Variants in WDPCP observed in about 807,000 individuals in gnomAD.
The protein encoded by WDPCP is WD repeat-containing and planar cell polarity effector protein fritz homolog.
WDPCP carries 71 observed loss-of-function variants against 93.1 expected under a neutral mutation model. The observed-to-expected ratio is 0.76, with a 90% CI of 0.63 to 0.93. WDPCP has a LOEUF of 0.93. Among genes scored for constraint, WDPCP ranks in the 40% least tolerant of loss-of-function variants. The probability of loss-of-function intolerance (pLI) is 0.00; values close to 1 mark genes in which losing one functional copy is unlikely to be tolerated. For missense variants in WDPCP, 844 were observed against 887.4 expected (o/e 0.95, Z 0.62); for synonymous variants, 315 against 315.0 (o/e 1.00, Z 0.00).
chr2:63,234,570 C>T (rs2421866), intron 14 of WDPCP, among the ~76,000 whole-genome samples: 150,953 of 152,350 alleles, frequency 0.99, 74,784 homozygotes, highest in Middle Eastern at 1. Context: ...TTTTAAAGTA[C>T]ATATAATCAA....
chr2:63,752,593 C>G (rs1234907889), intron 2 of WDPCP: 5 of 589,056 alleles, frequency 8.5e-6, no homozygotes, highest in Non-Finnish European at 1.5e-5. Context: ...CAGTGAAGAG[C>G]TGCTCAGGCT....
At chr2:63,400,042 C>G (rs921833388) in intron 10 of WDPCP, among the ~76,000 whole-genome samples, 2 of 151,490 alleles carry the variant, frequency 1.3e-5, no homozygotes, top group Non-Finnish European at 2.9e-5. Flanking sequence ...TACCATAGAG[C>G]CAAATTCCAT....
At position 63,494,264 on chromosome 2, in the gene WDPCP, C is replaced by G. The variant is rs188593336; in HGVS notation, c.76-1324G>C. ...GTCCTCAAAGAAGGATAAGATTTCA[C>G]CAGATGATGATGATGATGATGATGA... On this transcript the variant is annotated intron_variant, in intron 1 of 17. Coordinates refer to ENST00000272321, the MANE Select transcript of WDPCP (RefSeq NM_015910.7). Among the ~76,000 whole-genome samples, 87 of 134,762 alleles carry G rather than the reference C, an allele frequency of 6.5e-4. 1 individual carries two copies. The highest frequency in any genetic ancestry group is 3.1e-3 in the Admixed American group (40 of 12,724). The allele number at this position is 134,762 out of a possible 152,430, so 88.4% of individuals were successfully genotyped here. A position where few individuals can be genotyped will look rare whatever the true frequency, so the allele number is the denominator to read the frequency against.
At chr2:63,285,707 A>T (rs1289530415) in intron 13 of WDPCP, among the ~76,000 whole-genome samples, 2 of 152,192 alleles carry the variant, frequency 1.3e-5, no homozygotes, top group Non-Finnish European at 2.9e-5. Context: ...AAAATAGTTG[A>T]TGCAAACTCT....
intron 13 of WDPCP, among the ~76,000 whole-genome samples, chr2:63,304,582 T>A (rs1228506918): frequency 1.3e-5 from 2 of 152,184 alleles, no homozygotes; most frequent in Non-Finnish European, 2.9e-5. Flanking sequence ...ACTACACTTT[T>A]CCCATGGTTT....
At position 63,694,179 on chromosome 2, in the gene WDPCP, G is replaced by T. The variant is rs573911970; in HGVS notation, n.309-43341C>A. Among the ~76,000 whole-genome samples the T allele has an allele frequency of 5.3e-5, 8 of 152,270 alleles. No individual in the cohort carries two copies. The South Asian group carries it at 8.3e-4, about 16-fold the overall frequency. ...AAAAGAGTTAATCAGTTGTGTCTAA[G>T]ATAATAAAGGAAAACTATTGTCTGA... On this transcript the variant is annotated intron_variant and non_coding_transcript_variant, in intron 2 of 4. Coordinates refer to the WDPCP transcript ENST00000467687.
intron 9 of WDPCP, among the ~76,000 whole-genome samples, chr2:63,410,371 C>T (rs762000149): frequency 6.6e-6 from 1 of 152,140 alleles, no homozygotes; most frequent in Non-Finnish European, 1.5e-5. Flanking sequence ...AAAAGGAGCT[C>T]TAAATCTTGA....
At chr2:63,173,326 T>A (rs1673549209) in intron 15 of WDPCP, among the ~76,000 whole-genome samples, 1 of 152,102 alleles carries the variant, frequency 6.6e-6, no homozygotes, top group Non-Finnish European at 1.5e-5. Flanking sequence ...TCTTTGTTTT[T>A]CTCATTTCCA....
intron 1 of WDPCP, among the ~76,000 whole-genome samples, chr2:63,494,266 AGAT>A (rs754084408): frequency 2.5e-5 from 3 of 119,872 alleles, no homozygotes; most frequent in African/African-American, 3.5e-5. Context: ...AGATTTCACC[AGAT>A]GATGATGATG....
At chr2:63,327,089 G>T (rs1687614186) in intron 12 of WDPCP, among the ~76,000 whole-genome samples, 1 of 151,832 alleles carries the variant, frequency 6.6e-6, no homozygotes. Context: ...ACCAAATCTG[G>T]GCAGAACTCC....
chr2:63,770,432 A>G (rs184038864), intron 2 of WDPCP, among the ~76,000 whole-genome samples: 96 of 152,110 alleles, frequency 6.3e-4, no homozygotes, highest in Middle Eastern at 3.4e-3. Context: ...AAAGTGAAGC[A>G]TATTAAATTA....
At chr2:63,722,141 C>G (rs1442014382) in intron 2 of WDPCP, among the ~76,000 whole-genome samples, 2 of 152,058 alleles carry the variant, frequency 1.3e-5, no homozygotes, top group Non-Finnish European at 2.9e-5. Flanking sequence ...AGCCTCTGCC[C>G]GGCCGCCACC....
intron 1 of WDPCP, among the ~76,000 whole-genome samples, chr2:63,575,439 GTGTATACAC>G (rs1558832493): frequency 2.2e-5 from 2 of 91,994 alleles, no homozygotes; most frequent in Non-Finnish European, 4.1e-5. Flanking sequence ...TGTATATACA[GTGTATACAC>G]TGTATATACA....
chr2:63,149,894 A>G (rs1318010632), intron 17 of WDPCP, among the ~76,000 whole-genome samples: 1 of 152,186 alleles, frequency 6.6e-6, no homozygotes, highest in Non-Finnish European at 1.5e-5. Context: ...CTAGCTACTC[A>G]GAGGGCTGAG....
intron 2 of WDPCP, among the ~76,000 whole-genome samples, chr2:63,800,649 A>G (rs182484661): frequency 3.5e-4 from 54 of 152,350 alleles, no homozygotes; most frequent in Admixed American, 2.3e-3. Flanking sequence ...TTTTAAAGCG[A>G]TATCTAAAAA....
At chr2:63,786,703 A>G (rs1304499113) in intron 2 of WDPCP, among the ~76,000 whole-genome samples, 2 of 152,210 alleles carry the variant, frequency 1.3e-5, no homozygotes, top group Non-Finnish European at 2.9e-5. Flanking sequence ...ATACAGACAT[A>G]CGTAAAGCAT....
intron 1 of WDPCP, among the ~76,000 whole-genome samples, chr2:63,530,524 T>C (rs755142128): frequency 5.9e-5 from 9 of 152,196 alleles, no homozygotes; most frequent in Non-Finnish European, 1.0e-4. Context: ...CCACTGTATG[T>C]ACATGTGTTA....
chr2:63,562,687 G>T (rs1019730717), intron 1 of WDPCP, among the ~76,000 whole-genome samples: 10 of 152,074 alleles, frequency 6.6e-5, no homozygotes, highest in African/African-American at 2.4e-4. Flanking sequence ...ATACTGTAAG[G>T]TAGAGCTTTC....
intron 3 of WDPCP, among the ~76,000 whole-genome samples, chr2:63,648,694 GA>G (rs1710078857): frequency 6.6e-6 from 1 of 152,072 alleles, no homozygotes; most frequent in African/African-American, 2.4e-5. Context: ...TTTGTTGCAC[GA>G]ATAAGTAGTT....
Sources: allele counts gnomAD v4.1 joint callset (sites outside exome capture counted in the v4.1 genomes callset), GRCh38; gene constraint gnomAD v4.1.1; transcripts MANE v1.5; gene names NCBI Gene and HGNC (gene_info 2026-07-23, HGNC 2026-07-21).